FAM107B: variants seen among roughly 807,000 people sequenced by gnomAD.
FAM107B encodes protein FAM107B.
Under a neutral mutation model 31.5 loss-of-function variants are expected in FAM107B, and 21 were observed. The ratio of observed to expected loss-of-function variants is 0.67; its 90% CI spans 0.47 to 0.96. The LOEUF (loss-of-function observed/expected upper bound fraction) is 0.96. FAM107B is among the 40% of genes least tolerant of loss of function. FAM107B has a pLI of 0.00. For missense variants in FAM107B, 452 were observed against 377.1 expected, an observed-to-expected ratio of 1.20 and a Z score of -1.64; for synonymous variants, 157 against 141.5, an observed-to-expected ratio of 1.11 and a Z score of -0.78.
chr10:14,705,694 G>A (rs12774058), intron 1 of FAM107B, among the ~76,000 whole-genome samples: 39,566 of 151,792 alleles, frequency 0.26, 5,649 homozygotes, highest in Middle Eastern at 0.41. Flanking sequence ...GCAGAATGAT[G>A]GTTGCCAAGG....
chr10:14,669,196 C>A (rs1397038657), intron 1 of FAM107B, among the ~76,000 whole-genome samples: 1 of 151,792 alleles, frequency 6.6e-6, no homozygotes, highest in East Asian at 1.9e-4. Context: ...GGTGAAACCC[C>A]ATCTCTACAA....
At chr10:14,553,517 G>A (rs1359545598) in intron 2 of FAM107B, 2 of 420,156 alleles carry the variant, frequency 4.8e-6, no homozygotes, top group East Asian at 7.5e-5. Flanking sequence ...CAATGGGTAA[G>A]AAGGAAGTTC....
At chr10:14,724,949 TCCACAAG>T (rs1855996893) in intron 1 of FAM107B, among the ~76,000 whole-genome samples, 1 of 152,168 alleles carries the variant, frequency 6.6e-6, no homozygotes, top group South Asian at 2.1e-4. Flanking sequence ...TGCAGAACCA[TCCACAAG>T]GCTCCCATAA....
intron 1 of FAM107B, among the ~76,000 whole-genome samples, chr10:14,770,898 T>A (rs906865914): frequency 7.2e-6 from 1 of 139,144 alleles, no homozygotes; most frequent in Non-Finnish European, 1.5e-5. Context: ...TGAGCCACCC[T>A]CCTGTCTGAA....
intron 1 of FAM107B, among the ~76,000 whole-genome samples, chr10:14,669,315 A>T (rs1051890637): frequency 8.9e-5 from 13 of 146,744 alleles, no homozygotes; most frequent in African/African-American, 3.3e-4. Flanking sequence ...GGTTGCCGTG[A>T]GCTGAGATTG....
intron 1 of FAM107B, chr10:14,724,138 A>C (rs191893571): frequency 5.6e-5 from 29 of 521,730 alleles, no homozygotes; most frequent in Non-Finnish European, 6.6e-5. Context: ...GAAAGGCTGC[A>C]TGTATCTTCT....
chr10:14,677,035 C>G (rs1854699968), intron 1 of FAM107B, among the ~76,000 whole-genome samples: 1 of 152,102 alleles, frequency 6.6e-6, no homozygotes, highest in African/African-American at 2.4e-5. Context: ...TTGGCTGAAG[C>G]CTTCATCAAG....
At chr10:14,701,017 C>T (rs1328922026) in intron 1 of FAM107B, among the ~76,000 whole-genome samples, 1 of 151,996 alleles carries the variant, frequency 6.6e-6, no homozygotes, top group Non-Finnish European at 1.5e-5. Context: ...TCATATTTTC[C>T]TTGGAAAACA....
At chr10:14,631,545 A>G (rs544153978) in intron 2 of FAM107B, among the ~76,000 whole-genome samples, 4 of 152,078 alleles carry the variant, frequency 2.6e-5, no homozygotes, top group Admixed American at 2.6e-4. Context: ...CCATTTGACC[A>G]TTTTCCTGCC....
At chr10:14,715,092 T>C (rs139771020) in intron 1 of FAM107B, among the ~76,000 whole-genome samples, 96 of 152,270 alleles carry the variant, frequency 6.3e-4, no homozygotes, top group African/African-American at 2.1e-3. Flanking sequence ...AATGGACAAG[T>C]AGTGATCAGC....
intron 1 of FAM107B, among the ~76,000 whole-genome samples, chr10:14,667,915 G>T (rs529310376): frequency 3.9e-5 from 6 of 152,306 alleles, no homozygotes; most frequent in Admixed American, 6.5e-5. Flanking sequence ...CAACTCCAGG[G>T]TGCTATTCAC....
chr10:14,582,375 C>CTT (rs71388188), intron 2 of FAM107B, among the ~76,000 whole-genome samples: 77,672 of 111,972 alleles, frequency 0.69, 27,728 homozygotes, highest in South Asian at 0.78. Context: ...TTTTTCTTTT[C>CTT]TTTTTTTTTT....
chr10:14,602,999 C>CACA (rs1564596178), intron 2 of FAM107B: 7,527 of 146,946 alleles, frequency 0.051, 269 homozygotes, highest in Middle Eastern at 0.096. Flanking sequence ...ACCCTCTTTC[C>CACA]CACACACACA....
At chr10:14,643,144 A>G (rs1243633417) in intron 2 of FAM107B, among the ~76,000 whole-genome samples, 1 of 140,180 alleles carries the variant, frequency 7.1e-6, no homozygotes, top group Non-Finnish European at 1.6e-5. Context: ...TAGCTTTATT[A>G]TAAGGAATTA....
At chr10:14,751,833 G>T (rs11259307) in intron 1 of FAM107B, among the ~76,000 whole-genome samples, 14,037 of 152,070 alleles carry the variant, frequency 0.092, 663 homozygotes, top group East Asian at 0.14. Context: ...GTAACGCACC[G>T]AGACTGAAGC....
intron 2 of FAM107B, among the ~76,000 whole-genome samples, chr10:14,571,572 A>C (rs2131267827): frequency 6.6e-6 from 1 of 152,294 alleles, no homozygotes; most frequent in East Asian, 1.9e-4. Flanking sequence ...TACACAAGAC[A>C]CAGCCTATTA....
At chr10:14,670,582 G>A (rs970549236) in intron 1 of FAM107B, among the ~76,000 whole-genome samples, 6 of 152,178 alleles carry the variant, frequency 3.9e-5, no homozygotes, top group African/African-American at 1.4e-4. Context: ...TTTTCAAGAT[G>A]AAAAGACTCT....
At chr10:14,578,025 T>C (rs1007265027) in intron 2 of FAM107B, among the ~76,000 whole-genome samples, 2 of 152,266 alleles carry the variant, frequency 1.3e-5, no homozygotes, top group East Asian at 3.9e-4. Flanking sequence ...CCCATTTTCA[T>C]GTTTAAATAA....
rs563623051 is a variant in FAM107B, at chr10:14,571,180, T to C, written c.470-40665A>G. On this transcript the variant is annotated intron_variant, in intron 2 of 4. Coordinates refer to ENST00000181796, the MANE Select transcript of FAM107B (RefSeq NM_031453.4). ...AGTGAGAAAAAAGCTCTCCTGTCTC[T>C]TCTCCTGGAAGCACTAATCCCATTC... 3.1e-3 allele frequency among the ~76,000 whole-genome samples: 473 copies of C among 152,234 alleles called. 3 individuals are homozygous for C. The highest frequency in any genetic ancestry group is 6.0e-3 in the Non-Finnish European group (409 of 68,000).
Sources: allele counts gnomAD v4.1 joint callset (sites outside exome capture counted in the v4.1 genomes callset), GRCh38; gene constraint gnomAD v4.1.1; transcripts MANE v1.5; gene names NCBI Gene and HGNC (gene_info 2026-07-23, HGNC 2026-07-21).